The following C9orf153 variants were observed in gnomAD, a reference collection of about 807,000 sequenced individuals.
C9orf153 encodes uncharacterized protein C9orf153.
C9orf153 carries 10 observed loss-of-function variants against 9.0 expected under a neutral mutation model. The observed-to-expected ratio is 1.11, with a 90% CI of 0.69 to 1.89. The LOEUF (loss-of-function observed/expected upper bound fraction) is 1.89, where lower values mean the gene tolerates loss of function less well. Among genes scored for constraint, C9orf153 ranks in the 40% most tolerant of loss-of-function variants. The pLI, the probability that C9orf153 is intolerant of heterozygous loss-of-function variation, is 0.00. For missense variants in C9orf153, 108 were observed against 111.0 expected (o/e 0.97, Z 0.12); for synonymous variants, 35 against 37.3 (o/e 0.94, Z 0.23).
In C9orf153 at chr9:86,221,053, T is replaced by G. The variant is rs1400404695; in HGVS notation, c.*635A>C. The G allele has an allele frequency of 1.3e-5, 2 of 152,226 alleles. No homozygotes were observed. Among genetic ancestry groups the G allele is most frequent in the African/African-American group, 4.8e-5 (2 of 41,466 alleles). The allele number at this position is 152,226 out of a possible 1,614,324, so 9.4% of individuals were successfully genotyped here. A position where few individuals can be genotyped will look rare whatever the true frequency, so the allele number is the denominator to read the frequency against. On this transcript the variant is annotated 3_prime_UTR_variant, in exon 4 of 4. Coordinates refer to ENST00000339137, the MANE Select transcript of C9orf153 (RefSeq NM_001276366.4). ...TTTTACAAATCTTTCTGTTCTTATT[T>G]CATGGATGCTGTTTCCTTCTTTGTC... is the stretch of plus-strand genomic sequence containing the variant.
intron 1 of C9orf153, among the ~76,000 whole-genome samples, chr9:86,232,639 A>T (rs1824496956): frequency 6.6e-6 from 1 of 151,870 alleles, no homozygotes; most frequent in Admixed American, 6.6e-5. Context: ...TTCCCTCCAA[A>T]TCAGAAGGAA....
At chr9:86,227,456 G>C (rs1172057370) in intron 3 of C9orf153, 2 of 1,437,078 alleles carry the variant, frequency 1.4e-6, no homozygotes, top group Non-Finnish European at 1.8e-6. Flanking sequence ...AATTGCTGTA[G>C]GTCAGTATTG....
chr9:86,246,597 A>T (rs562157815), intron 1 of C9orf153, among the ~76,000 whole-genome samples: 3 of 152,318 alleles, frequency 2.0e-5, no homozygotes, highest in East Asian at 3.9e-4. Flanking sequence ...CATTTCAAAA[A>T]CCTTAACAAG....
chr9:86,224,170 T>C (rs1385181281), intron 3 of C9orf153, among the ~76,000 whole-genome samples: 1 of 152,026 alleles, frequency 6.6e-6, no homozygotes, highest in African/African-American at 2.4e-5. Context: ...GCAGATCACT[T>C]GAGCTCAGAA....
intron 2 of C9orf153, 92 bp from the exon 3 acceptor site, chr9:86,228,122 A>G (rs1187694170): frequency 4.5e-6 from 4 of 879,630 alleles, no homozygotes; most frequent in Non-Finnish European, 6.7e-6. Flanking sequence ...CCATAGGACA[A>G]TAAATAACCA....
intron 3 of C9orf153, among the ~76,000 whole-genome samples, chr9:86,222,164 A>G (rs1410497560): frequency 6.6e-6 from 1 of 152,152 alleles, no homozygotes; most frequent in East Asian, 1.9e-4. Context: ...CTGGGATTAC[A>G]GAAGTGATCC....
rs76973065 is a variant in C9orf153, at chr9:86,231,615, A to C, written c.-26-1986T>G. Among the ~76,000 whole-genome samples, 245 of 151,988 alleles carry C rather than the reference A, an allele frequency of 1.6e-3. 6 individuals carry two copies. The East Asian group carries it at 0.035, about 22-fold the overall frequency. On this transcript the variant is annotated intron_variant, in intron 1 of 3. Coordinates refer to ENST00000339137, the MANE Select transcript of C9orf153 (RefSeq NM_001276366.4). ...CAAACATGGATATATATATATATAT[A>C]CATGTATGTATATGCATATATACAT...
At chr9:86,226,305 T>A (rs1197924947) in intron 3 of C9orf153, among the ~76,000 whole-genome samples, 1 of 152,136 alleles carries the variant, frequency 6.6e-6, no homozygotes, top group Non-Finnish European at 1.5e-5. Flanking sequence ...AATTTGCTCC[T>A]TCTGCCTCTC....
chr9:86,249,522 A>G (rs1047543654), intron 1 of C9orf153, among the ~76,000 whole-genome samples: 6 of 151,614 alleles, frequency 4.0e-5, no homozygotes, highest in Non-Finnish European at 5.9e-5. Flanking sequence ...GTCAAACGGT[A>G]GAGGCCAAAG....
intron 1 of C9orf153, among the ~76,000 whole-genome samples, chr9:86,239,349 C>A (rs2131190557): frequency 6.6e-6 from 1 of 151,634 alleles, no homozygotes; most frequent in East Asian, 1.9e-4. Context: ...TTCTTTCTTA[C>A]AATTCTTTGC....
At chr9:86,257,523 G>A (rs1825146267) in intron 1 of C9orf153, among the ~76,000 whole-genome samples, 1 of 152,260 alleles carries the variant, frequency 6.6e-6, no homozygotes, top group East Asian at 1.9e-4. Context: ...CTCCTGCCTG[G>A]TCTTTCCCCA....
Position 86,227,407 on chromosome 9 carries a change from C to CA in C9orf153, c.242+447dup, listed in dbSNP as rs747901061. 86 of 1,489,230 alleles carry CA rather than the reference C, an allele frequency of 5.8e-5. No individual in the cohort carries two copies. The Middle Eastern group carries it at 1.8e-3, about 31-fold the overall frequency. 92.3% of individuals were successfully genotyped at this position (1,489,230 alleles called of 1,614,324 possible). On this transcript the variant is annotated intron_variant, in intron 3 of 3. Coordinates refer to ENST00000339137, the MANE Select transcript of C9orf153 (RefSeq NM_001276366.4). ...TTCATTTTATTGACACTGTATAAAG[C>CA]AAACATATTAATAGCAGCCATGAAC...
chr9:86,230,378 T>C (rs1824444396), intron 1 of C9orf153, among the ~76,000 whole-genome samples: 1 of 152,250 alleles, frequency 6.6e-6, no homozygotes, highest in Non-Finnish European at 1.5e-5. Flanking sequence ...CTTGGCTCAC[T>C]GCAACCTCTG....
intron 1 of C9orf153, among the ~76,000 whole-genome samples, chr9:86,239,177 C>T (rs1405462091): frequency 6.6e-6 from 1 of 151,886 alleles, no homozygotes; most frequent in African/African-American, 2.4e-5. Flanking sequence ...AAAGGAATCA[C>T]TTGAACCCGG....
chr9:86,250,663 G>A (rs1385178046), intron 1 of C9orf153, among the ~76,000 whole-genome samples: 1 of 152,036 alleles, frequency 6.6e-6, no homozygotes. Context: ...GGACATTTTT[G>A]TCTTTATTTT....
At chr9:86,226,241 G>A (rs73650938) in intron 3 of C9orf153, among the ~76,000 whole-genome samples, 10,212 of 152,148 alleles carry the variant, frequency 0.067, 1,160 homozygotes, top group African/African-American at 0.23. Flanking sequence ...TACAGCAAAA[G>A]CTCTTCCAAC....
Position 86,220,846 on chromosome 9 carries a change from G to A in C9orf153, c.*842C>T, listed in dbSNP as rs1213229397. ...ACATTTCTGAACTTCTCATTCTACCGTCCAATACTCTTATTTTTCTGTCTT... is the reference window on the plus strand; with the variant it reads ...ACATTTCTGAACTTCTCATTCTACCATCCAATACTCTTATTTTTCTGTCTT... On this transcript the variant is annotated 3_prime_UTR_variant, in exon 4 of 4. Coordinates refer to ENST00000339137, the MANE Select transcript of C9orf153 (RefSeq NM_001276366.4). 3 of 151,158 alleles carry A rather than the reference G, an allele frequency of 2.0e-5. No individual in the cohort carries two copies. The highest frequency in any genetic ancestry group is 6.6e-5 in the Admixed American group (1 of 15,172). The allele number at this position is 151,158 out of a possible 1,614,324, so 9.4% of individuals were successfully genotyped here.
intron 1 of C9orf153, among the ~76,000 whole-genome samples, chr9:86,230,489 C>A (rs113195155): frequency 6.6e-6 from 1 of 152,122 alleles, no homozygotes; most frequent in Admixed American, 6.6e-5. Flanking sequence ...TTAGTAGAGA[C>A]AGGGTTTCAC....
At chr9:86,241,358 C>G (rs1317889913) in intron 1 of C9orf153, among the ~76,000 whole-genome samples, 1 of 135,042 alleles carries the variant, frequency 7.4e-6, no homozygotes, top group Non-Finnish European at 1.6e-5. Flanking sequence ...GTGGTAGATA[C>G]TCATCTTCTT....
Sources: allele counts gnomAD v4.1 joint callset (sites outside exome capture counted in the v4.1 genomes callset), GRCh38; gene constraint gnomAD v4.1.1; transcripts MANE v1.5; gene names NCBI Gene and HGNC (gene_info 2026-07-23, HGNC 2026-07-21).